Variants in ZNF385B observed in about 807,000 individuals in gnomAD.
ZNF385B encodes zinc finger protein 533.
ZNF385B carries 23 observed loss-of-function variants against 39.2 expected under a neutral mutation model. The ratio of observed to expected loss-of-function variants is 0.59; its 90% confidence interval spans 0.42 to 0.83. The LOEUF (loss-of-function observed/expected upper bound fraction) is 0.83, where lower values mean the gene tolerates loss of function less well. Among genes scored for constraint, ZNF385B ranks in the 40% least tolerant of loss-of-function variants. ZNF385B has a pLI of 0.00. For missense variants in ZNF385B, 552 were observed against 598.9 expected (o/e 0.92, Z 0.82); for synonymous variants, 205 against 222.6 (o/e 0.92, Z 0.70).
intron 1 of ZNF385B, among the ~76,000 whole-genome samples, chr2:179,825,126 C>T (rs1040610047): frequency 6.6e-6 from 1 of 152,130 alleles, no homozygotes; most frequent in African/African-American, 2.4e-5. Flanking sequence ...TTAATACTCT[C>T]CCCTGGACCA....
chr2:179,534,967 A>T (rs1185001189), intron 4 of ZNF385B, among the ~76,000 whole-genome samples: 2 of 152,206 alleles, frequency 1.3e-5, no homozygotes, highest in Non-Finnish European at 2.9e-5. Context: ...GTCATTCATA[A>T]TCATTTTAGC....
chr2:179,464,051 C>T (rs553024787), intron 6 of ZNF385B, among the ~76,000 whole-genome samples: 189 of 152,118 alleles, frequency 1.2e-3, no homozygotes, highest in African/African-American at 3.6e-3. Flanking sequence ...TTCTAACTGG[C>T]GTGAGATGGT....
chr2:179,749,275 G>C (rs966283214), intron 3 of ZNF385B, among the ~76,000 whole-genome samples: 3 of 152,038 alleles, frequency 2.0e-5, no homozygotes, highest in Admixed American at 6.6e-5. Flanking sequence ...TGCAGTGCAG[G>C]CTCACCAGAG....
intron 6 of ZNF385B, among the ~76,000 whole-genome samples, chr2:179,460,000 G>A (rs2051142689): frequency 6.6e-6 from 1 of 151,780 alleles, no homozygotes; most frequent in African/African-American, 2.4e-5. Context: ...GCTACTAGGG[G>A]GGCTGAGGCA....
chr2:179,487,574 G>A (rs1359882392), intron 5 of ZNF385B, among the ~76,000 whole-genome samples: 2 of 152,200 alleles, frequency 1.3e-5, no homozygotes, highest in African/African-American at 4.8e-5. Context: ...AACAAGGACA[G>A]GAGCCAGAAA....
chr2:179,777,336 TA>T (rs1283854593), intron 1 of ZNF385B, among the ~76,000 whole-genome samples: 3 of 152,060 alleles, frequency 2.0e-5, no homozygotes, highest in African/African-American at 7.2e-5. Flanking sequence ...CTTACAAACA[TA>T]AAATGTCACA....
chr2:179,805,109 A>T (rs542538957), intron 1 of ZNF385B, among the ~76,000 whole-genome samples: 61 of 152,308 alleles, frequency 4.0e-4, no homozygotes, highest in African/African-American at 1.3e-3. Context: ...CCTAGGCCAT[A>T]AGAGAATTCT....
At chr2:179,459,621 G>GTA (rs1407548085) in intron 6 of ZNF385B, among the ~76,000 whole-genome samples, 3,887 of 146,944 alleles carry the variant, frequency 0.026, 165 homozygotes, top group African/African-American at 0.094. Context: ...GTGTGTATGT[G>GTA]TGTGTGGATT....
intron 5 of ZNF385B, among the ~76,000 whole-genome samples, chr2:179,486,214 C>A (rs1049636192): frequency 2.6e-5 from 4 of 152,054 alleles, no homozygotes; most frequent in Non-Finnish European, 5.9e-5. Flanking sequence ...CTCTTTCAGG[C>A]ACAATTCTAA....
At chr2:179,698,487 AT>A (rs1698936259) in intron 3 of ZNF385B, among the ~76,000 whole-genome samples, 1 of 152,234 alleles carries the variant, frequency 6.6e-6, no homozygotes, top group Admixed American at 6.5e-5. Context: ...TATCCCATAA[AT>A]TCCAGCATCA....
At chr2:179,757,992 C>A (rs1225077685) in intron 3 of ZNF385B, among the ~76,000 whole-genome samples, 1 of 152,084 alleles carries the variant, frequency 6.6e-6, no homozygotes, top group African/African-American at 2.4e-5. Flanking sequence ...CCAACAAGCC[C>A]CAGTGAGATT....
At chr2:179,857,660 G>C (rs77068584) in intron 1 of ZNF385B, among the ~76,000 whole-genome samples, 7,937 of 152,234 alleles carry the variant, frequency 0.052, 295 homozygotes, top group Middle Eastern at 0.078. Context: ...GGACTACTAA[G>C]GGTAGGGAGG....
chr2:179,845,449 G>A (rs1007143907), intron 1 of ZNF385B, among the ~76,000 whole-genome samples: 2 of 152,204 alleles, frequency 1.3e-5, no homozygotes, highest in Non-Finnish European at 1.5e-5. Flanking sequence ...TACTCTGCCA[G>A]TACAAAAATG....
chr2:179,637,225 C>T (rs1426301507), intron 3 of ZNF385B: 1 of 152,160 alleles, frequency 6.6e-6, no homozygotes, highest in East Asian at 1.9e-4. Context: ...AGTTTTCAGC[C>T]ATGAGATCTC....
intron 3 of ZNF385B, among the ~76,000 whole-genome samples, chr2:179,588,740 C>G (rs1574916193): frequency 6.6e-6 from 1 of 152,118 alleles, no homozygotes; most frequent in East Asian, 1.9e-4. Context: ...CTTTTCTTTT[C>G]CATCTTCAAA....
chr2:179,630,542 AGAGGAACCACAAAGAT>A (rs1181594955), intron 3 of ZNF385B, among the ~76,000 whole-genome samples: 1 of 152,252 alleles, frequency 6.6e-6, no homozygotes, highest in Non-Finnish European at 1.5e-5. Context: ...GACCAAAGGT[AGAGGAACCACAAAGAT>A]GGGGAGAAAC....
chr2:179,612,784 C>T (rs561631725), intron 3 of ZNF385B, among the ~76,000 whole-genome samples: 9 of 152,094 alleles, frequency 5.9e-5, no homozygotes, highest in Admixed American at 2.6e-4. Context: ...GGTGGGCTGG[C>T]GGCAAAGCCA....
chr2:179,708,552 T>C (rs796833036), intron 3 of ZNF385B, among the ~76,000 whole-genome samples: 25 of 152,282 alleles, frequency 1.6e-4, no homozygotes, highest in African/African-American at 5.5e-4. Flanking sequence ...TCAACTAGCA[T>C]TGTAAGTGGG....
At chr2:179,603,519 A>G (rs1389938133) in intron 3 of ZNF385B, among the ~76,000 whole-genome samples, 2 of 152,204 alleles carry the variant, frequency 1.3e-5, no homozygotes, top group African/African-American at 4.8e-5. Flanking sequence ...GGATCTTTAA[A>G]CAACAATTTT....
Sources: allele counts gnomAD v4.1 joint callset (sites outside exome capture counted in the v4.1 genomes callset), GRCh38; gene constraint gnomAD v4.1.1; transcripts MANE v1.5; gene names NCBI Gene and HGNC (gene_info 2026-07-23, HGNC 2026-07-21).